The following ZNF143 variants were observed in gnomAD, a reference collection of about 807,000 sequenced individuals.
ZNF143 encodes the protein zinc finger protein 143.
A neutral mutation model predicts 74.1 loss-of-function variants in ZNF143; 49 were observed. The observed-to-expected ratio is 0.66, with a 90% confidence interval of 0.53 to 0.84. ZNF143 has a LOEUF of 0.84. Ranked by LOEUF, ZNF143 falls within the 40% of genes least tolerant of loss-of-function variation. The pLI is 0.00. For synonymous variants in ZNF143, 304 were observed against 282.8 expected, an observed-to-expected ratio of 1.07 and a Z score of -0.75; for missense variants, 637 against 793.4, an observed-to-expected ratio of 0.80 and a Z score of 2.37.
Position 9,504,911 on chromosome 11 carries a change from G to C in ZNF143, c.1147+3641G>C, listed in dbSNP as rs774845833. Among the ~76,000 whole-genome samples the C allele has an allele frequency of 3.3e-5, 4 of 120,214 alleles. 2 individuals carry two copies. Among genetic ancestry groups the C allele is most frequent in the Non-Finnish European group, 7.8e-5 (4 of 51,094 alleles). The allele number at this position is 120,214 out of a possible 152,430, so 78.9% of individuals were successfully genotyped here. A position where few individuals can be genotyped will look rare whatever the true frequency, so the allele number is the denominator to read the frequency against. On this transcript the variant is annotated intron_variant, in intron 11 of 15. Transcript: ENST00000396602. ...GACAGTCTCAATCTCTTGACCTTGT[G>C]ATCCACCCGCCTCGGCCTCCCAAAG...
intron 3 of ZNF143, chr11:9,473,733 A>C (rs1189743243): frequency 6.7e-7 from 1 of 1,485,872 alleles, no homozygotes; most frequent in Admixed American, 2.0e-5. Flanking sequence ...TGAAAATTGC[A>C]GGGGAGGAAG....
chr11:9,464,642 A>G (rs1169293858), intron 1 of ZNF143, among the ~76,000 whole-genome samples: 4 of 151,636 alleles, frequency 2.6e-5, no homozygotes, highest in African/African-American at 4.8e-5. Context: ...TTAATTACAT[A>G]ATAAGAATAA....
At chr11:9,480,621 C>T (rs896673633) in intron 7 of ZNF143, among the ~76,000 whole-genome samples, 2 of 152,120 alleles carry the variant, frequency 1.3e-5, no homozygotes, top group Admixed American at 6.6e-5. Flanking sequence ...CGTGGTGGCT[C>T]ATGCCTGTAA....
intron 15 of ZNF143, among the ~76,000 whole-genome samples, chr11:9,526,365 T>C (rs1184576202): frequency 6.6e-6 from 1 of 151,842 alleles, no homozygotes; most frequent in African/African-American, 2.4e-5. Flanking sequence ...AAAAAAAAAT[T>C]AGAATGTAAA....
intron 7 of ZNF143, among the ~76,000 whole-genome samples, chr11:9,491,778 T>C (rs1409052011): frequency 1.8e-4 from 28 of 152,106 alleles, no homozygotes; most frequent in Non-Finnish European, 2.9e-5. Flanking sequence ...TACAGGCAGG[T>C]GCCACCATGC....
chr11:9,480,075 G>A (rs971276885), intron 7 of ZNF143, among the ~76,000 whole-genome samples: 5 of 152,268 alleles, frequency 3.3e-5, no homozygotes, highest in Admixed American at 3.3e-4. Context: ...TCTGCAGGTG[G>A]CCTGTGGGCT....
chr11:9,486,445 T>TTATATATATTATATATATAATATATATTA (rs1565039545), intron 7 of ZNF143, among the ~76,000 whole-genome samples: 1 of 35,458 alleles, frequency 2.8e-5, no homozygotes, highest in Non-Finnish European at 6.6e-5. Context: ...ATATAATATA[T>TTATATATATTATATATATAATATATATTA]TATATATATT....
intron 11 of ZNF143, among the ~76,000 whole-genome samples, chr11:9,505,442 G>T (rs1396084902): frequency 6.6e-6 from 1 of 151,852 alleles, no homozygotes; most frequent in Non-Finnish European, 1.5e-5. Flanking sequence ...GCTAAGTTTT[G>T]TATTTTTAGT....
rs781197837 is a variant in ZNF143 at position 9,508,715 on chromosome 11, A to G, written c.1244A>G (p.Lys415Arg). Residue 415 changes from lysine to arginine, a missense_variant, in exon 12 of 16, where the codon AAA becomes AGA. Lys to Arg is a conservative substitution (Grantham distance 26, BLOSUM62 2). This residue lies in a region of ZNF143 where 344 missense variants were observed against 485.6 expected (regional missense o/e 0.71). Coordinates refer to ENST00000396602, the MANE Select transcript of ZNF143 (RefSeq NM_003442.6). ...YKHHVVHTHS[K>R]PYNCNHCGKT... is the part of the protein sequence containing the mutation. ...CATCATGTTGTCCACACTCATTCCA[A>G]ACCTTACAACTGTAACCACTGTGGG... 1.9e-6 allele frequency: 3 copies of G among 1,614,124 alleles called. No homozygotes were observed. Among genetic ancestry groups the G allele is most frequent in the Non-Finnish European group, 2.5e-6 (3 of 1,180,012 alleles).
At position 9,494,679 on chromosome 11, in the gene ZNF143, G is replaced by C. The variant is rs1361340664; in HGVS notation, c.679G>C (p.Ala227Pro). ...ACAAGGACATGCTACAAGAGTAACT[G>C]CTAAATCTCAACAGAGTGGAGAGAA... ...VLQGHATRVT[A>P]KSQQSGEKAF... The change falls in exon 8 of 16, where the codon GCT (alanine) becomes CCT (proline). Residue 227 changes from alanine to proline, a missense_variant. By Grantham distance (27) the Ala-to-Pro change is conservative (BLOSUM62 -1). This residue lies in a region of ZNF143 where 293 missense variants were observed against 307.8 expected (regional missense o/e 0.95). Coordinates refer to ENST00000396602, the MANE Select transcript of ZNF143 (RefSeq NM_003442.6). The C allele has an allele frequency of 1.2e-6, 2 of 1,613,876 alleles. No individual in the cohort carries two copies. The highest frequency in any genetic ancestry group is 1.7e-5 in the Admixed American group (1 of 60,024).
intron 1 of ZNF143, among the ~76,000 whole-genome samples, chr11:9,465,378 G>A (rs1297402138): frequency 1.3e-5 from 2 of 151,860 alleles, no homozygotes; most frequent in East Asian, 3.9e-4. Context: ...GTAGAGACGG[G>A]GTTTCACCAT....
intron 3 of ZNF143, 103 bp downstream of exon 3, chr11:9,472,872 G>T: frequency 1.5e-6 from 1 of 672,830 alleles, no homozygotes; most frequent in South Asian, 2.9e-5. Flanking sequence ...TCCTAAAGAT[G>T]CTGTATTGCA....
intron 1 of ZNF143, among the ~76,000 whole-genome samples, chr11:9,465,716 C>T (rs994015876): frequency 1.3e-5 from 2 of 151,114 alleles, no homozygotes; most frequent in African/African-American, 2.4e-5. Flanking sequence ...TTCACCTGAC[C>T]TCATAATCTG....
chr11:9,485,506 C>T (rs368892163), intron 7 of ZNF143, among the ~76,000 whole-genome samples: 2 of 151,418 alleles, frequency 1.3e-5, no homozygotes, highest in East Asian at 3.9e-4. Flanking sequence ...TACCACCATG[C>T]CCAGCTAGTT....
intron 5 of ZNF143, among the ~76,000 whole-genome samples, chr11:9,476,746 C>CTTT (rs869069237): frequency 0.014 from 491 of 34,840 alleles, 140 homozygotes; most frequent in African/African-American, 0.041. Context: ...AGGGAGGAAT[C>CTTT]TTTTTTTTTT....
At chr11:9,464,742 A>G (rs1590482724) in intron 1 of ZNF143, among the ~76,000 whole-genome samples, 1 of 152,098 alleles carries the variant, frequency 6.6e-6, no homozygotes, top group African/African-American at 2.4e-5. Context: ...CAACATGGTG[A>G]AATCCCGTCT....
chr11:9,522,711 C>T (rs1848980616), intron 14 of ZNF143, among the ~76,000 whole-genome samples: 1 of 151,964 alleles, frequency 6.6e-6, no homozygotes, highest in Non-Finnish European at 1.5e-5. Flanking sequence ...TCAGGCTGGT[C>T]TCGAACTGCT....
intron 1 of ZNF143, among the ~76,000 whole-genome samples, chr11:9,463,404 G>A (rs953677290): frequency 2.0e-5 from 3 of 152,170 alleles, no homozygotes; most frequent in African/African-American, 7.2e-5. Context: ...CCAGCAATGT[G>A]TAAAGGTTCC....
At chr11:9,511,851 A>G (rs1251918260) in intron 12 of ZNF143, among the ~76,000 whole-genome samples, 2 of 146,562 alleles carry the variant, frequency 1.4e-5, no homozygotes, top group African/African-American at 2.5e-5. Flanking sequence ...TCCCGGGTTC[A>G]TGCCATTCTC....
Sources: allele counts gnomAD v4.1 joint callset (sites outside exome capture counted in the v4.1 genomes callset), GRCh38; gene constraint gnomAD v4.1.1; regional missense constraint gnomAD v4.1.1; transcripts MANE v1.5; gene names NCBI Gene and HGNC (gene_info 2026-07-23, HGNC 2026-07-21).